SLC8A1: variants seen among roughly 807,000 people sequenced by gnomAD.
SLC8A1 encodes the protein sodium/calcium exchanger 1.
SLC8A1 carries 18 observed loss-of-function variants against 68.3 expected under a neutral mutation model. That is an observed-to-expected ratio of 0.26 (90% CI 0.18 to 0.39). The LOEUF (loss-of-function observed/expected upper bound fraction) is 0.39, where lower values mean the gene tolerates loss of function less well. Among genes scored for constraint, SLC8A1 ranks in the 10% least tolerant of loss-of-function variants. The probability of loss-of-function intolerance (pLI) is 1.00; values close to 1 mark genes in which losing one functional copy is unlikely to be tolerated. For missense variants in SLC8A1, 985 were observed against 1,156.7 expected (o/e 0.85, Z 2.15); for synonymous variants, 475 against 415.5 (o/e 1.14, Z -1.74).
intron 4 of SLC8A1, among the ~76,000 whole-genome samples, chr2:40,173,411 A>T (rs756678339): frequency 1.4e-4 from 22 of 152,320 alleles, no homozygotes; most frequent in Admixed American, 2.6e-4. Context: ...CAACACAAAG[A>T]CTTGTCCTGT....
intron 2 of SLC8A1, among the ~76,000 whole-genome samples, chr2:40,182,570 A>G (rs149415895): frequency 3.3e-5 from 5 of 152,314 alleles, no homozygotes; most frequent in African/African-American, 1.2e-4. Flanking sequence ...TGAAGTTGGC[A>G]GTGCCTTTTA....
intron 7 of SLC8A1, among the ~76,000 whole-genome samples, chr2:40,125,416 C>A (rs915439105): frequency 2.1e-4 from 32 of 152,220 alleles, no homozygotes; most frequent in Middle Eastern, 3.4e-3. Context: ...GCAACTTCAC[C>A]CACTATGAAA....
chr2:40,318,446 T>A (rs1456092196), intron 2 of SLC8A1, among the ~76,000 whole-genome samples: 1 of 151,960 alleles, frequency 6.6e-6, no homozygotes, highest in Non-Finnish European at 1.5e-5. Context: ...TAACTAATGA[T>A]CCTACAATTC....
rs56191722 is a variant in SLC8A1, at chr2:40,215,643, C to CA, written c.1809-37789dup. On this transcript the variant is annotated intron_variant, in intron 2 of 7. Transcript: ENST00000406785. ...TGGGCGACAAAGCGAGACTCCGTCT[C>CA]AAAAAAAAAAAAAAAAAAAAAAAAA... Among the ~76,000 whole-genome samples, 334 of 69,892 alleles carry CA rather than the reference C, an allele frequency of 4.8e-3. 10 individuals are homozygous for CA. The highest frequency in any genetic ancestry group is 0.015 in the East Asian group (28 of 1,882). The allele number at this position is 69,892 out of a possible 152,430, so 45.9% of individuals were successfully genotyped here. A position where few individuals can be genotyped will look rare whatever the true frequency, so the allele number is the denominator to read the frequency against.
chr2:40,418,926 A>C (rs1474891580), intron 2 of SLC8A1, among the ~76,000 whole-genome samples: 1 of 152,184 alleles, frequency 6.6e-6, no homozygotes, highest in Non-Finnish European at 1.5e-5. Context: ...CTGACAGCTC[A>C]TCATCATTTA....
intron 2 of SLC8A1, among the ~76,000 whole-genome samples, chr2:40,294,986 ACTTTACCCAAATAT>A (rs2070075464): frequency 6.6e-6 from 1 of 152,194 alleles, no homozygotes; most frequent in South Asian, 2.1e-4. Flanking sequence ...TAAGTTCAGA[ACTTTACCCAAATAT>A]CTTTAGACAC....
intron 1 of SLC8A1, among the ~76,000 whole-genome samples, chr2:40,511,778 C>T (rs1053086466): frequency 2.0e-5 from 3 of 152,090 alleles, no homozygotes; most frequent in Admixed American, 6.6e-5. Context: ...CGTAAGACCC[C>T]GTGTTTGTGA....
At chr2:40,371,771 T>C (rs781448516) in intron 2 of SLC8A1, among the ~76,000 whole-genome samples, 9 of 152,128 alleles carry the variant, frequency 5.9e-5, no homozygotes, top group Non-Finnish European at 1.2e-4. Flanking sequence ...GAGTTGATCA[T>C]ATCCTCTGGA....
intron 2 of SLC8A1, among the ~76,000 whole-genome samples, chr2:40,415,875 C>A: frequency 6.9e-6 from 1 of 144,276 alleles, no homozygotes; most frequent in Non-Finnish European, 1.5e-5. Flanking sequence ...CACACACACA[C>A]ACACACACAC....
At chr2:40,286,286 G>C (rs374511911) in intron 2 of SLC8A1, among the ~76,000 whole-genome samples, 21 of 152,168 alleles carry the variant, frequency 1.4e-4, no homozygotes, top group Admixed American at 2.6e-4. Context: ...GGCATCTTCT[G>C]TTCAGCTGTT....
chr2:40,211,956 C>T (rs2056656769), intron 2 of SLC8A1, among the ~76,000 whole-genome samples: 1 of 152,188 alleles, frequency 6.6e-6, no homozygotes, highest in South Asian at 2.1e-4. Flanking sequence ...TTAATGCCCA[C>T]ATAATATCAT....
intron 2 of SLC8A1, among the ~76,000 whole-genome samples, chr2:40,180,900 T>C (rs2049399042): frequency 6.6e-6 from 1 of 152,206 alleles, no homozygotes; most frequent in Non-Finnish European, 1.5e-5. Flanking sequence ...CCAAACAACA[T>C]ATTGTTTCTA....
At chr2:40,133,692 G>C (rs1263656131) in intron 7 of SLC8A1, among the ~76,000 whole-genome samples, 1 of 126,994 alleles carries the variant, frequency 7.9e-6, no homozygotes, top group Non-Finnish European at 1.7e-5. Context: ...AGACTTAATG[G>C]GGCAAAAATC....
At chr2:40,371,786 C>T (rs935753906) in intron 2 of SLC8A1, among the ~76,000 whole-genome samples, 1 of 152,036 alleles carries the variant, frequency 6.6e-6, no homozygotes, top group East Asian at 1.9e-4. Context: ...TCTGGAAACC[C>T]GATCTCTGGC....
At chr2:40,493,469 A>G (rs977784994) in intron 1 of SLC8A1, among the ~76,000 whole-genome samples, 4 of 151,906 alleles carry the variant, frequency 2.6e-5, no homozygotes, top group Admixed American at 2.6e-4. Context: ...CACATTGTGC[A>G]CATGTACCCT....
At chr2:40,400,398 G>C (rs1168179522) in intron 2 of SLC8A1, among the ~76,000 whole-genome samples, 2 of 152,222 alleles carry the variant, frequency 1.3e-5, no homozygotes, top group Non-Finnish European at 2.9e-5. Context: ...AAAGGAGTCA[G>C]ACTGGGCTAT....
At chr2:40,177,701 G>A in intron 3 of SLC8A1, 1 of 1,112,962 alleles carries the variant, frequency 9.0e-7, no homozygotes, top group African/African-American at 1.5e-5. Context: ...GGGAGACACG[G>A]AGAGAGAAGA....
At chr2:40,314,523 T>C (rs1446726009) in intron 2 of SLC8A1, among the ~76,000 whole-genome samples, 2 of 151,720 alleles carry the variant, frequency 1.3e-5, no homozygotes, top group African/African-American at 4.8e-5. Flanking sequence ...GCTTGAAAAA[T>C]TTACACCAAA....
At chr2:40,487,122 C>T (rs1705021013) in intron 1 of SLC8A1, among the ~76,000 whole-genome samples, 1 of 152,048 alleles carries the variant, frequency 6.6e-6, no homozygotes, top group Admixed American at 6.6e-5. Context: ...ATGTCCACTT[C>T]ATTTTTCAAT....
Sources: allele counts gnomAD v4.1 joint callset (sites outside exome capture counted in the v4.1 genomes callset), GRCh38; gene constraint gnomAD v4.1.1; transcripts MANE v1.5; gene names NCBI Gene and HGNC (gene_info 2026-07-23, HGNC 2026-07-21).